SLC15A1: variants seen among roughly 807,000 people sequenced by gnomAD.
SLC15A1 encodes solute carrier family 15 member 1.
A neutral mutation model predicts 92.9 loss-of-function variants in SLC15A1; 83 were observed. That is an observed-to-expected ratio of 0.89 (90% CI 0.75 to 1.07). The LOEUF is 1.07. Among genes scored for constraint, SLC15A1 ranks in the 50% least tolerant of loss-of-function variants. The pLI, the probability that SLC15A1 is intolerant of heterozygous loss-of-function variation, is 0.00. For synonymous variants in SLC15A1, 322 were observed against 318.2 expected (o/e 1.01, Z -0.13); for missense variants, 857 against 880.1 (o/e 0.97, Z 0.33).
chr13:98,729,802 C>T (rs745520202), intron 1 of SLC15A1, among the ~76,000 whole-genome samples: 2 of 152,228 alleles, frequency 1.3e-5, no homozygotes, highest in East Asian at 1.9e-4. Flanking sequence ...CCAGGCTTCA[C>T]CACCTCTTCC....
At chr13:98,708,817 C>T in intron 14 of SLC15A1, 50 bp from the exon 15 acceptor site, 6 of 1,427,868 alleles carry the variant, frequency 4.2e-6, no homozygotes, top group Non-Finnish European at 5.7e-6. Context: ...CATAGATGAG[C>T]TAAGCTAAAC....
At chr13:98,706,011 T>C (rs2088109703) in intron 16 of SLC15A1, 123 bp downstream of exon 16, 20 of 989,276 alleles carry the variant, frequency 2.0e-5, no homozygotes, top group Non-Finnish European at 8.9e-6. Flanking sequence ...GAGATCAAGA[T>C]CCTTAGTTCA....
At chr13:98,723,726 A>C (rs1283295573) in intron 5 of SLC15A1, among the ~76,000 whole-genome samples, 186 bp downstream of exon 5, 1 of 152,164 alleles carries the variant, frequency 6.6e-6, no homozygotes, top group Non-Finnish European at 1.5e-5. Context: ...CCTCTAGACA[A>C]CTGTTAGGGT....
intron 2 of SLC15A1, 193 bp downstream of exon 2, chr13:98,726,650 C>T (rs761318795): frequency 4.3e-5 from 32 of 741,728 alleles, no homozygotes; most frequent in Non-Finnish European, 6.9e-5. Context: ...ATAAAGCATC[C>T]AGTGGTATTG....
At chr13:98,728,903 C>T (rs1399603852) in intron 1 of SLC15A1, among the ~76,000 whole-genome samples, 1 of 140,988 alleles carries the variant, frequency 7.1e-6, no homozygotes, top group African/African-American at 2.6e-5. Flanking sequence ...ATTGCTAGGA[C>T]CTGGGAGGTG....
Position 98,704,294 on chromosome 13 carries a change from G to C in SLC15A1, c.1411C>G (p.Gln471Glu). 3 of 1,607,148 alleles carry C rather than the reference G, an allele frequency of 1.9e-6. No homozygotes were observed. The highest frequency in any genetic ancestry group is 2.5e-6 in the Non-Finnish European group (3 of 1,177,288). ...TLLVWAPNHY[Q>E]VVKDGLNQKP... ...GTAGGTCTTCACACACTTACCACCT[G>C]GTAGTGATTGGGGGCCCACACTAGA... The change falls in exon 17 of 23, where the codon CAG (glutamine) becomes GAG (glutamate). Residue 471 changes from glutamine (Q) to glutamate (E), a missense_variant. Coordinates refer to ENST00000376503, the MANE Select transcript of SLC15A1 (RefSeq NM_005073.4).
chr13:98,747,571 A>C (rs2088503754), intron 1 of SLC15A1, among the ~76,000 whole-genome samples: 1 of 152,222 alleles, frequency 6.6e-6, no homozygotes, highest in Non-Finnish European at 1.5e-5. Context: ...AAAGGGCAGT[A>C]GAAAAAAATT....
intron 1 of SLC15A1, among the ~76,000 whole-genome samples, chr13:98,746,304 C>T (rs958643553): frequency 6.6e-6 from 1 of 152,082 alleles, no homozygotes; most frequent in Non-Finnish European, 1.5e-5. Context: ...TATGTCTTTG[C>T]TATTGTGAAT....
intron 8 of SLC15A1, among the ~76,000 whole-genome samples, chr13:98,717,412 G>C (rs761829368): frequency 2.6e-5 from 4 of 152,162 alleles, no homozygotes; most frequent in African/African-American, 4.8e-5. Context: ...AATTTCTAGA[G>C]GCAGTGTTGA....
rs111498896 is a variant in SLC15A1 at position 98,746,894 on chromosome 13, C to T, written c.4+5701G>A. 8.2e-3 allele frequency among the ~76,000 whole-genome samples: 1,243 copies of T among 152,300 alleles called. 8 individuals are homozygous for T. The highest frequency in any genetic ancestry group is 0.015 in the Admixed American group (226 of 15,298). On this transcript the variant is annotated intron_variant, in intron 1 of 22. Coordinates refer to ENST00000376503, the MANE Select transcript of SLC15A1 (RefSeq NM_005073.4). ...AACTAGACCTTCCTCCTTCTTAAGCCTCTGTGGAAGACCCTGTCCCTGTGC... is the reference window on the plus strand; with the variant it reads ...AACTAGACCTTCCTCCTTCTTAAGCTTCTGTGGAAGACCCTGTCCCTGTGC...
At chr13:98,751,206 G>A (rs2088543574) in intron 1 of SLC15A1, among the ~76,000 whole-genome samples, 2 of 151,808 alleles carry the variant, frequency 1.3e-5, no homozygotes, top group South Asian at 4.2e-4. Flanking sequence ...CTTTTTTGTT[G>A]CTATTCACAT....
intron 18 of SLC15A1, among the ~76,000 whole-genome samples, chr13:98,698,566 C>T (rs576326296): frequency 1.8e-4 from 27 of 152,220 alleles, no homozygotes; most frequent in South Asian, 6.2e-4. Context: ...CTCGGCCTCC[C>T]GAGTAGCTGG....
chr13:98,696,488 T>C (rs1161354699), intron 18 of SLC15A1, among the ~76,000 whole-genome samples: 1 of 150,990 alleles, frequency 6.6e-6, no homozygotes, highest in East Asian at 1.9e-4. Context: ...CAAGAAAGGA[T>C]CCCCCAATAT....
chr13:98,692,247 G>A (rs2087986577), intron 18 of SLC15A1, among the ~76,000 whole-genome samples: 1 of 142,778 alleles, frequency 7.0e-6, no homozygotes. Flanking sequence ...TTGAACTCCT[G>A]GGCTCAAACA....
chr13:98,746,950 G>A (rs146520805), intron 1 of SLC15A1, among the ~76,000 whole-genome samples: 268 of 152,282 alleles, frequency 1.8e-3, no homozygotes, highest in African/African-American at 6.2e-3. Context: ...CAACGGCTGA[G>A]CCTGTGCTTT....
Position 98,726,876 on chromosome 13 carries a change from A to C in SLC15A1, c.5-17T>G, listed in dbSNP as rs769247549. 1 of 1,612,812 alleles carries C rather than the reference A, an allele frequency of 6.2e-7. No homozygotes were observed. Among genetic ancestry groups the C allele is most frequent in the South Asian group, 1.1e-5 (1 of 91,032 alleles). ...TGGACATTCCTAAAAGAAAAACAGAATCCCAATATTAAAGTCAAGCCATTA... is the reference window on the plus strand; with the variant it reads ...TGGACATTCCTAAAAGAAAAACAGACTCCCAATATTAAAGTCAAGCCATTA... On this transcript the variant is annotated splice_polypyrimidine_tract_variant and intron_variant, in intron 1 of 22. Coordinates refer to ENST00000376503, the MANE Select transcript of SLC15A1 (RefSeq NM_005073.4).
rs1472637310 is a variant in SLC15A1 at position 98,721,590 on chromosome 13, A to T, written c.466-5T>A. 2 of 1,584,248 alleles carry T rather than the reference A, an allele frequency of 1.3e-6. No individual in the cohort carries two copies. The highest frequency in any genetic ancestry group is 1.7e-6 in the Non-Finnish European group (2 of 1,158,968). On this transcript the variant is annotated splice_region_variant and splice_polypyrimidine_tract_variant and intron_variant, in intron 6 of 22. Transcript: ENST00000376503. ...AAATCTGTTTCTTTGTTTCTCCTGC[A>T]ATGAAAAGGAGAAAGTAAGATGACT... is the stretch of plus-strand genomic sequence containing the variant.
At chr13:98,726,484 C>T (rs767155208) in intron 2 of SLC15A1, 35 bp from the exon 3 acceptor site, 2 of 1,584,134 alleles carry the variant, frequency 1.3e-6, no homozygotes, top group Admixed American at 1.7e-5. Context: ...GATTGAAATA[C>T]ACCCCCCACT....
intron 1 of SLC15A1, among the ~76,000 whole-genome samples, chr13:98,750,901 G>A (rs59519363): frequency 2.6e-5 from 4 of 151,918 alleles, no homozygotes; most frequent in African/African-American, 7.3e-5. Flanking sequence ...ACAGGCACCC[G>A]CCACTATGCC....
Sources: gnomAD v4.1 joint callset for allele counts (sites outside exome capture counted in the v4.1 genomes callset) on GRCh38, gnomAD v4.1.1 for gene constraint, MANE v1.5 for transcripts, NCBI Gene and HGNC (gene_info 2026-07-23, HGNC 2026-07-21) for gene names.